KIAA1958: variants seen among roughly 807,000 people sequenced by gnomAD.
KIAA1958 encodes uncharacterized protein KIAA1958.
A neutral mutation model predicts 47.2 loss-of-function variants in KIAA1958; 14 were observed. The ratio of observed to expected loss-of-function variants is 0.30; its 90% CI spans 0.20 to 0.46. The LOEUF is 0.46. Ranked by LOEUF, KIAA1958 falls within the 20% of genes least tolerant of loss-of-function variation. The probability of loss-of-function intolerance (pLI) is 1.00; values close to 1 mark genes in which losing one functional copy is unlikely to be tolerated. For synonymous variants in KIAA1958, 354 were observed against 353.3 expected, an observed-to-expected ratio of 1.00 and a Z score of -0.02; for missense variants, 803 against 909.2, an observed-to-expected ratio of 0.88 and a Z score of 1.50.
chr9:112,520,966 CCTT>C (rs1834529951), intron 1 of KIAA1958, among the ~76,000 whole-genome samples: 1 of 152,178 alleles, frequency 6.6e-6, no homozygotes, highest in Non-Finnish European at 1.5e-5. Flanking sequence ...TGTGCCATCT[CCTT>C]CTTTGTTTTG....
intron 2 of KIAA1958, among the ~76,000 whole-genome samples, chr9:112,632,670 A>G (rs1212656088): frequency 2.0e-5 from 3 of 152,062 alleles, no homozygotes; most frequent in Admixed American, 2.0e-4. Flanking sequence ...CCCTTTTGCT[A>G]GCGAGTTATT....
intron 2 of KIAA1958, among the ~76,000 whole-genome samples, chr9:112,625,525 T>C (rs952620052): frequency 9.2e-5 from 14 of 151,846 alleles, no homozygotes; most frequent in South Asian, 2.1e-4. Flanking sequence ...CACACCCTGT[T>C]AGGGTGTGAG....
chr9:112,566,049 G>T (rs543665363), intron 1 of KIAA1958, among the ~76,000 whole-genome samples: 1 of 152,074 alleles, frequency 6.6e-6, no homozygotes, highest in Admixed American at 6.5e-5. Flanking sequence ...GACTACAGGC[G>T]CCCACAACCA....
At chr9:112,566,722 A>G (rs1167638046) in intron 1 of KIAA1958, among the ~76,000 whole-genome samples, 1 of 152,084 alleles carries the variant, frequency 6.6e-6, no homozygotes, top group Non-Finnish European at 1.5e-5. Flanking sequence ...TTACTCCACC[A>G]TCACATTATG....
chr9:112,528,954 CT>C (rs2132808577), intron 1 of KIAA1958, among the ~76,000 whole-genome samples: 1 of 152,186 alleles, frequency 6.6e-6, no homozygotes, highest in African/African-American at 2.4e-5. Flanking sequence ...GAAACTTTTC[CT>C]TTAGAACTTT....
At chr9:112,499,560 G>A (rs1211816854) in intron 1 of KIAA1958, among the ~76,000 whole-genome samples, 1 of 151,676 alleles carries the variant, frequency 6.6e-6, no homozygotes, top group African/African-American at 2.4e-5. Context: ...ATAATATTTT[G>A]CTTATGAGTA....
chr9:112,563,051 CTCTCTCTGTCTCTG>C (rs1364910761), intron 1 of KIAA1958, among the ~76,000 whole-genome samples: 28 of 113,836 alleles, frequency 2.5e-4, no homozygotes, highest in Non-Finnish European at 3.4e-4. Context: ...CTTTCTCTCT[CTCTCTCTGTCTCTG>C]TCTCTCTCTC....
chr9:112,574,355 C>G lies in KIAA1958; in HGVS notation c.275C>G (p.Ser92Cys). The G allele has an allele frequency of 6.2e-7, 1 of 1,614,158 alleles. No homozygotes were observed. The highest frequency in any genetic ancestry group is 1.1e-5 in the South Asian group (1 of 91,082). ...SDSPSIIGVP[S>C]ETQTSPVERY... ...AGTCCCAGTATAATCGGGGTGCCCTCTGAGACACAGACTAGCCCTGTTGAA... is the reference window on the plus strand; with the variant it reads ...AGTCCCAGTATAATCGGGGTGCCCTGTGAGACACAGACTAGCCCTGTTGAA... The change falls in exon 2 of 4, where the codon TCT (serine) becomes TGT (cysteine). Residue 92 changes from serine (S) to cysteine (C), a missense_variant. Ser to Cys is a moderately radical substitution (Grantham distance 112). Transcript: ENST00000337530.
At chr9:112,565,618 CTTGA>C (rs1467553577) in intron 1 of KIAA1958, among the ~76,000 whole-genome samples, 4 of 152,050 alleles carry the variant, frequency 2.6e-5, no homozygotes, top group African/African-American at 9.7e-5. Flanking sequence ...TAAAAAATAC[CTTGA>C]TTGTCTTATT....
At position 112,618,250 on chromosome 9, in the gene KIAA1958, C is replaced by G; in HGVS notation, c.1172-27400C>G. The G allele has an allele frequency of 6.4e-7, 1 of 1,550,718 alleles. No homozygotes were observed. Among genetic ancestry groups the G allele is most frequent in the Admixed American group, 2.0e-5 (1 of 51,002 alleles). On this transcript the variant is annotated intron_variant, in intron 2 of 3. Coordinates refer to ENST00000337530, the MANE Select transcript of KIAA1958 (RefSeq NM_133465.4). This position sits in a 1 kb window ranked among gnomAD's most constrained non-coding sequence, Gnocchi z 7.1. ...GAAAAGGAAATAAGCCACACAAGTC[C>G]ATGAAGCTCACCTTTGCTGACGAGC...
chr9:112,521,693 C>G (rs1198537614), intron 1 of KIAA1958, among the ~76,000 whole-genome samples: 1 of 151,948 alleles, frequency 6.6e-6, no homozygotes, highest in African/African-American at 2.4e-5. Flanking sequence ...AAATGTTCTG[C>G]AGGCACTGGA....
chr9:112,659,349 G>C lies in KIAA1958; in HGVS notation c.1431G>C (p.Ser477=). 6.2e-7 allele frequency: 1 copy of C among 1,614,018 alleles called. No individual in the cohort carries two copies. The highest frequency in any genetic ancestry group is 8.5e-7 in the Non-Finnish European group (1 of 1,180,026). ...KSDGSDFLAT[S]LHAIRRGLDR... ...ACGGCTCGGACTTCCTGGCCACCTCGCTCCATGCTATTCGCCGAGGCCTGG... is the reference window on the plus strand; with the variant it reads ...ACGGCTCGGACTTCCTGGCCACCTCCCTCCATGCTATTCGCCGAGGCCTGG... Residue 477 remains serine, a synonymous_variant, in exon 4 of 4, where the codon TCG becomes TCC. Transcript: ENST00000337530.
At chr9:112,504,782 G>A (rs1322781388) in intron 1 of KIAA1958, among the ~76,000 whole-genome samples, 1 of 152,106 alleles carries the variant, frequency 6.6e-6, no homozygotes, top group Non-Finnish European at 1.5e-5. Flanking sequence ...TTTTATGTAT[G>A]TATGTGTGTC....
chr9:112,509,212 T>TC (rs1460899401), intron 1 of KIAA1958, among the ~76,000 whole-genome samples: 2 of 149,442 alleles, frequency 1.3e-5, no homozygotes, highest in African/African-American at 2.5e-5. Context: ...TTTTTTTTTT[T>TC]TTTTTTTTGA....
intron 2 of KIAA1958, among the ~76,000 whole-genome samples, chr9:112,606,923 A>G (rs1836245392): frequency 1.3e-5 from 2 of 152,244 alleles, no homozygotes; most frequent in South Asian, 2.1e-4. Flanking sequence ...CAGAACAAAG[A>G]TGTTTCAGCC....
intron 1 of KIAA1958, among the ~76,000 whole-genome samples, chr9:112,548,930 C>T: frequency 6.6e-6 from 1 of 152,136 alleles, no homozygotes; most frequent in East Asian, 1.9e-4. Flanking sequence ...CATGTGAAGA[C>T]ACCAGAAGAA....
At chr9:112,635,541 C>T (rs568208755) in intron 2 of KIAA1958, among the ~76,000 whole-genome samples, 5 of 152,180 alleles carry the variant, frequency 3.3e-5, no homozygotes, top group African/African-American at 1.2e-4. Context: ...CGTGAGCCAC[C>T]TCATCTGGCC....
chr9:112,572,097 A>G (rs938515149), intron 1 of KIAA1958, among the ~76,000 whole-genome samples: 9 of 152,076 alleles, frequency 5.9e-5, no homozygotes, highest in East Asian at 1.9e-4. Flanking sequence ...ACGCCAGTCA[A>G]TGTTCTTTCC....
In KIAA1958 at chr9:112,618,141, A is replaced by G; in HGVS notation, c.1172-27509A>G. ...GAAAGGTACCTGAAAGAACACAGGT[A>G]TGGCTATAGCATCACCAGGGATAAG... On this transcript the variant is annotated intron_variant, in intron 2 of 3. Coordinates refer to ENST00000337530, the MANE Select transcript of KIAA1958 (RefSeq NM_133465.4). This position sits in a 1 kb window ranked among gnomAD's most constrained non-coding sequence, Gnocchi z 7.1. The G allele has an allele frequency of 6.4e-7, 1 of 1,550,622 alleles. No homozygotes were observed. Among genetic ancestry groups the G allele is most frequent in the South Asian group, 1.2e-5 (1 of 84,056 alleles).
Sources: gnomAD v4.1 joint callset for allele counts (sites outside exome capture counted in the v4.1 genomes callset) on GRCh38, gnomAD v4.1.1 for gene constraint, Gnocchi (gnomAD v3.1) non-coding constraint, MANE v1.5 for transcripts, NCBI Gene and HGNC (gene_info 2026-07-23, HGNC 2026-07-21) for gene names.